The following DLGAP1 variants were observed in gnomAD, a reference collection of about 807,000 sequenced individuals.
The protein encoded by DLGAP1 is DLG associated protein 1, also known as disks large-associated protein 1.
Under a neutral mutation model 90.8 loss-of-function variants are expected in DLGAP1, and 11 were observed. The observed-to-expected ratio is 0.12, with a 90% CI of 0.08 to 0.20. DLGAP1 has a LOEUF of 0.20. Ranked by LOEUF, DLGAP1 falls within the 10% of genes least tolerant of loss-of-function variation. The pLI, the probability that DLGAP1 is intolerant of heterozygous loss-of-function variation, is 1.00. For missense variants in DLGAP1, 1,050 were observed against 1,333.8 expected (o/e 0.79, Z 3.31); for synonymous variants, 558 against 540.7 (o/e 1.03, Z -0.44).
chr18:4,221,372 A>C (rs1391974721), intron 1 of DLGAP1, among the ~76,000 whole-genome samples: 1 of 152,084 alleles, frequency 6.6e-6, no homozygotes, highest in Non-Finnish European at 1.5e-5. Context: ...AGCTCTCTGT[A>C]CATATGACAG....
At chr18:3,803,951 T>A (rs1192858122) in intron 5 of DLGAP1, among the ~76,000 whole-genome samples, 1 of 127,630 alleles carries the variant, frequency 7.8e-6, no homozygotes, top group African/African-American at 2.9e-5. Flanking sequence ...TTGGTTTATG[T>A]AGGTTCATAT....
chr18:3,991,854 A>G (rs1436565280), intron 3 of DLGAP1, among the ~76,000 whole-genome samples: 1 of 152,072 alleles, frequency 6.6e-6, no homozygotes, highest in Non-Finnish European at 1.5e-5. Flanking sequence ...ACTTTGATTT[A>G]TTTTTTTGTG....
At chr18:3,899,608 T>C (rs1338769448) in intron 3 of DLGAP1, among the ~76,000 whole-genome samples, 1 of 152,230 alleles carries the variant, frequency 6.6e-6, no homozygotes, top group Non-Finnish European at 1.5e-5. Context: ...CCAGGTTTGG[T>C]CCAATTTCAG....
At chr18:4,069,294 T>C (rs1214785111) in intron 2 of DLGAP1, among the ~76,000 whole-genome samples, 2 of 152,190 alleles carry the variant, frequency 1.3e-5, no homozygotes, top group East Asian at 1.9e-4. Flanking sequence ...AGGATGAGAA[T>C]TGGGGTCCCT....
intron 2 of DLGAP1, among the ~76,000 whole-genome samples, chr18:4,032,761 C>T (rs757506413): frequency 1.6e-4 from 24 of 150,876 alleles, no homozygotes; most frequent in Admixed American, 6.6e-5. Flanking sequence ...CCCATCATAT[C>T]CTGTACTATC....
chr18:4,041,329 C>G (rs1841414713), intron 2 of DLGAP1, among the ~76,000 whole-genome samples: 1 of 152,118 alleles, frequency 6.6e-6, no homozygotes, highest in African/African-American at 2.4e-5. Flanking sequence ...TCACACTATT[C>G]ATAAATGAGG....
chr18:3,576,808 C>T (rs535903219), intron 8 of DLGAP1, among the ~76,000 whole-genome samples: 59 of 151,776 alleles, frequency 3.9e-4, no homozygotes, highest in African/African-American at 1.4e-3. Context: ...TCAGGTGATC[C>T]GCCCACCTTG....
chr18:4,102,346 G>GT (rs1411276188), intron 2 of DLGAP1, among the ~76,000 whole-genome samples: 1 of 152,132 alleles, frequency 6.6e-6, no homozygotes, highest in African/African-American at 2.4e-5. Context: ...TTCGAGGTGG[G>GT]TTTATAAACT....
Position 3,904,787 on chromosome 18 carries a change from C to T in DLGAP1, c.-72-24647G>A, listed in dbSNP as rs2071859729. ...TGATAATGTTTGAAAATGCTTTTCA[C>T]TCCTTAAGAAACCTTAAGATCACTC... On this transcript the variant is annotated intron_variant, in intron 3 of 12. Transcript: ENST00000315677. Among the ~76,000 whole-genome samples the T allele has an allele frequency of 2.0e-5, 3 of 152,140 alleles. No homozygotes were observed. The South Asian group carries it at 6.2e-4, about 32-fold the overall frequency.
intron 2 of DLGAP1, among the ~76,000 whole-genome samples, chr18:4,043,294 C>T (rs2075002877): frequency 6.6e-6 from 1 of 152,158 alleles, no homozygotes. Flanking sequence ...AAATGACAAG[C>T]TTGAAATTAA....
intron 2 of DLGAP1, among the ~76,000 whole-genome samples, chr18:4,096,710 G>A (rs974869728): frequency 1.3e-5 from 2 of 152,118 alleles, no homozygotes; most frequent in South Asian, 2.1e-4. Context: ...CAACCTTCTC[G>A]TGACGTGACT....
intron 2 of DLGAP1, among the ~76,000 whole-genome samples, chr18:4,128,123 C>A (rs1197134560): frequency 6.6e-6 from 1 of 152,158 alleles, no homozygotes; most frequent in Non-Finnish European, 1.5e-5. Context: ...TCCTTCATAT[C>A]TGTGGGTTCA....
intron 3 of DLGAP1, among the ~76,000 whole-genome samples, chr18:3,935,519 A>G (rs1367953810): frequency 1.3e-5 from 2 of 152,210 alleles, no homozygotes; most frequent in African/African-American, 4.8e-5. Context: ...AGAAGTATCA[A>G]GTTACTACGT....
chr18:4,131,213 C>T (rs568360494), intron 2 of DLGAP1, among the ~76,000 whole-genome samples: 4 of 151,124 alleles, frequency 2.6e-5, no homozygotes, highest in South Asian at 2.1e-4. Context: ...TGTGTGTGTG[C>T]GTGCAAGCAC....
intron 4 of DLGAP1, among the ~76,000 whole-genome samples, chr18:3,828,317 C>T (rs1568202216): frequency 6.6e-6 from 1 of 152,212 alleles, no homozygotes; most frequent in East Asian, 1.9e-4. Flanking sequence ...CCTCTGGGGG[C>T]CAGGGGCAGT....
chr18:3,879,916 G>A lies in DLGAP1; in HGVS notation c.153C>T (p.Asn51=). 3 of 1,612,816 alleles carry A rather than the reference G, an allele frequency of 1.9e-6. No individual in the cohort carries two copies. The highest frequency in any genetic ancestry group is 2.5e-6 in the Non-Finnish European group (3 of 1,179,934). The change falls in exon 4 of 13, where the codon AAC becomes AAT. Residue 51 remains asparagine, a synonymous_variant. Coordinates refer to ENST00000315677, the MANE Select transcript of DLGAP1 (RefSeq NM_004746.4). This position sits in a 1 kb window ranked among gnomAD's most constrained non-coding sequence, Gnocchi z 6.6. Reference sequence around the variant, plus strand: ...GGCCCACGCACTCAGCCTGGAAGGAGTTCCGCTGGGTGTAGTATGGGTGGT... The same window carrying A: ...GGCCCACGCACTCAGCCTGGAAGGAATTCCGCTGGGTGTAGTATGGGTGGT... ...PADHPYYTQR[N]SFQAECVGPF... is the part of the protein sequence containing the mutation.
intron 5 of DLGAP1, among the ~76,000 whole-genome samples, chr18:3,796,745 C>T (rs771979015): frequency 1.1e-4 from 17 of 152,210 alleles, no homozygotes; most frequent in Non-Finnish European, 2.4e-4. Flanking sequence ...CAGCAGCAGG[C>T]ACATTGCTGG....
chr18:4,189,166 G>A (rs1183271775), intron 1 of DLGAP1, among the ~76,000 whole-genome samples: 1 of 151,914 alleles, frequency 6.6e-6, no homozygotes, highest in Non-Finnish European at 1.5e-5. Flanking sequence ...TATAACTAGG[G>A]CCTGCTTGTT....
At chr18:3,574,442 A>G (rs2054988885) in intron 8 of DLGAP1, among the ~76,000 whole-genome samples, 1 of 152,210 alleles carries the variant, frequency 6.6e-6, no homozygotes, top group Non-Finnish European at 1.5e-5. Flanking sequence ...ATAATCTTGA[A>G]TTCCTTCCGT....
Sources: gnomAD v4.1 joint callset for allele counts (sites outside exome capture counted in the v4.1 genomes callset) on GRCh38, gnomAD v4.1.1 for gene constraint, Gnocchi (gnomAD v3.1) non-coding constraint, MANE v1.5 for transcripts, NCBI Gene and HGNC (gene_info 2026-07-23, HGNC 2026-07-21) for gene names.